Variants in KIF26B observed in about 807,000 individuals in gnomAD.
The protein encoded by KIF26B is kinesin family member 26B, also known as kinesin-like protein KIF26B.
KIF26B carries 63 observed loss-of-function variants against 151.2 expected under a neutral mutation model. The ratio of observed to expected loss-of-function variants is 0.42; its 90% CI spans 0.34 to 0.51. The LOEUF (loss-of-function observed/expected upper bound fraction) is 0.51, where lower values mean the gene tolerates loss of function less well. KIF26B is among the 20% of genes least tolerant of loss of function. The pLI is 0.07. For missense variants in KIF26B, 2,813 were observed against 2,913.6 expected (o/e 0.97, Z 0.79); for synonymous variants, 1,357 against 1,262.1 (o/e 1.08, Z -1.59).
At chr1:245,275,939 G>A (rs188482739) in intron 2 of KIF26B, among the ~76,000 whole-genome samples, 7 of 152,292 alleles carry the variant, frequency 4.6e-5, no homozygotes, top group Admixed American at 4.6e-4. Flanking sequence ...CACTTTGAAT[G>A]TATTGTCTCA....
At chr1:245,251,482 G>A (rs1670444565) in intron 2 of KIF26B, among the ~76,000 whole-genome samples, 1 of 152,028 alleles carries the variant, frequency 6.6e-6, no homozygotes, top group African/African-American at 2.4e-5. Context: ...TTAATATCAT[G>A]CAAAAAAATC....
chr1:245,639,567 T>C (rs1423600403), intron 9 of KIF26B, among the ~76,000 whole-genome samples: 2 of 151,958 alleles, frequency 1.3e-5, no homozygotes, highest in Non-Finnish European at 2.9e-5. Context: ...AGGTTGTTTA[T>C]ATTTGGAGTC....
chr1:245,233,788 C>CTCA (rs1188779369), intron 2 of KIF26B, among the ~76,000 whole-genome samples: 2 of 152,204 alleles, frequency 1.3e-5, no homozygotes, highest in African/African-American at 4.8e-5. Context: ...TTGCTGAGAT[C>CTCA]ATGCATCTGT....
chr1:245,398,335 C>T (rs918003445), intron 3 of KIF26B, among the ~76,000 whole-genome samples: 4 of 152,186 alleles, frequency 2.6e-5, no homozygotes, highest in Admixed American at 1.3e-4. Context: ...CGGCTGCCTG[C>T]GACGGAGGTG....
intron 10 of KIF26B, among the ~76,000 whole-genome samples, chr1:245,671,192 T>G (rs1212056930): frequency 6.6e-6 from 1 of 152,232 alleles, no homozygotes; most frequent in African/African-American, 2.4e-5. Flanking sequence ...TTTCCATGGC[T>G]GAATAGTACT....
intron 2 of KIF26B, among the ~76,000 whole-genome samples, chr1:245,169,604 A>AT (rs5782323): frequency 0.87 from 131,928 of 151,680 alleles, 58,669 homozygotes; most frequent in East Asian, 0.98. Context: ...CTTTACAAGC[A>AT]TTTTTTGCAG....
intron 2 of KIF26B, among the ~76,000 whole-genome samples, chr1:245,257,198 C>T (rs1312561885): frequency 6.6e-6 from 1 of 152,190 alleles, no homozygotes. Flanking sequence ...ACCCCCTCAG[C>T]AATCCTCTGA....
intron 5 of KIF26B, among the ~76,000 whole-genome samples, chr1:245,556,233 T>G (rs1390601150): frequency 6.6e-6 from 1 of 150,426 alleles, no homozygotes; most frequent in African/African-American, 2.4e-5. Context: ...CCTCTTCTTC[T>G]TCTTCTTCCT....
At chr1:245,337,934 A>G (rs2102994451) in intron 2 of KIF26B, among the ~76,000 whole-genome samples, 1 of 152,322 alleles carries the variant, frequency 6.6e-6, no homozygotes, top group Admixed American at 6.5e-5. Flanking sequence ...ATGGCAAACT[A>G]AAGATAAAGA....
intron 2 of KIF26B, among the ~76,000 whole-genome samples, chr1:245,287,052 T>A (rs1671174515): frequency 6.6e-6 from 1 of 152,044 alleles, no homozygotes; most frequent in Non-Finnish European, 1.5e-5. Flanking sequence ...GAGGTTGCAG[T>A]GAGCCGAGAT....
At chr1:245,513,286 T>A (rs1660877306) in intron 4 of KIF26B, among the ~76,000 whole-genome samples, 1 of 146,612 alleles carries the variant, frequency 6.8e-6, no homozygotes, top group Admixed American at 6.9e-5. Context: ...TAGCAGTGAA[T>A]GAGCAAAGAG....
At chr1:245,271,716 C>G (rs1670859910) in intron 2 of KIF26B, among the ~76,000 whole-genome samples, 1 of 151,852 alleles carries the variant, frequency 6.6e-6, no homozygotes, top group African/African-American at 2.4e-5. Context: ...CCCACTTGAC[C>G]ATAATATATT....
chr1:245,527,973 C>T (rs1254704091), intron 4 of KIF26B, among the ~76,000 whole-genome samples: 3 of 152,016 alleles, frequency 2.0e-5, no homozygotes, highest in Non-Finnish European at 4.4e-5. Flanking sequence ...TTAAGTTTCC[C>T]TGGTACTAAG....
chr1:245,276,438 G>T (rs1483965924), intron 2 of KIF26B, among the ~76,000 whole-genome samples: 2 of 152,120 alleles, frequency 1.3e-5, no homozygotes, highest in South Asian at 4.1e-4. Context: ...TGTTTATTTT[G>T]TGCTGAGCTA....
At chr1:245,399,667 G>A (rs1673945729) in intron 3 of KIF26B, among the ~76,000 whole-genome samples, 1 of 152,092 alleles carries the variant, frequency 6.6e-6, no homozygotes, top group Non-Finnish European at 1.5e-5. Context: ...GAAGCAACAC[G>A]CATGATAATT....
At chr1:245,598,715 G>A (rs545025195) in intron 5 of KIF26B, among the ~76,000 whole-genome samples, 7 of 152,124 alleles carry the variant, frequency 4.6e-5, no homozygotes, top group African/African-American at 9.7e-5. Flanking sequence ...CCATGATGCC[G>A]TCCAGAACAA....
At chr1:245,662,549 A>G (rs2044162281) in intron 10 of KIF26B, among the ~76,000 whole-genome samples, 1 of 119,828 alleles carries the variant, frequency 8.3e-6, no homozygotes, top group East Asian at 2.7e-4. Flanking sequence ...TACACACCCA[A>G]TGATATATAT....
chr1:245,418,443 T>C (rs1407732969), intron 3 of KIF26B, among the ~76,000 whole-genome samples: 4 of 152,206 alleles, frequency 2.6e-5, no homozygotes, highest in Admixed American at 1.3e-4. Flanking sequence ...TCCCAGTCAA[T>C]GGGATTCAGA....
intron 4 of KIF26B, among the ~76,000 whole-genome samples, chr1:245,524,551 G>A (rs1370247424): frequency 6.6e-6 from 1 of 152,118 alleles, no homozygotes; most frequent in Admixed American, 6.5e-5. Context: ...TTCAATCAAT[G>A]TTTATGGAAT....
Sources: gnomAD v4.1 joint callset for allele counts (sites outside exome capture counted in the v4.1 genomes callset) on GRCh38, gnomAD v4.1.1 for gene constraint, MANE v1.5 for transcripts, NCBI Gene and HGNC (gene_info 2026-07-23, HGNC 2026-07-21) for gene names.